The following PRRT4 variants were observed in gnomAD, a reference collection of about 807,000 sequenced individuals.
PRRT4 encodes the protein proline rich transmembrane protein 4.
Under a neutral mutation model 55.6 loss-of-function variants are expected in PRRT4, and 59 were observed. The ratio of observed to expected loss-of-function variants is 1.06; its 90% CI spans 0.86 to 1.32. The LOEUF (loss-of-function observed/expected upper bound fraction) is 1.32, where lower values mean the gene tolerates loss of function less well. PRRT4 is among the 40% of genes most tolerant of loss of function. PRRT4 has a pLI of 0.00. For missense variants in PRRT4, 1,217 were observed against 1,222.0 expected, an observed-to-expected ratio of 1.00 and a Z score of 0.06; for synonymous variants, 606 against 601.8, an observed-to-expected ratio of 1.01 and a Z score of -0.10.
chr7:128,351,118 C>A, exon 5 of PRRT4: 1 of 1,548,198 alleles, frequency 6.5e-7, no homozygotes, highest in Non-Finnish European at 8.7e-7. Flanking sequence ...CATGGACGAG[C>A]TGTCCCGCGA....
intron 1 of PRRT4, 124 bp downstream of exon 2, chr7:128,361,182 A>G (rs1797247561): frequency 6.6e-6 from 1 of 150,692 alleles, no homozygotes; most frequent in Admixed American, 6.7e-5. Flanking sequence ...ACACACATTC[A>G]CACACACAGA....
chr7:128,357,250 T>A (rs151316371), intron 4 of PRRT4, among the ~76,000 whole-genome samples: 82,276 of 137,100 alleles, frequency 0.6, 25,400 homozygotes, highest in Non-Finnish European at 0.69. Flanking sequence ...TCTCTCTCTC[T>A]CTCTCTCTCT....
At chr7:128,351,090 G>A (rs952420470) in exon 5 of PRRT4, 38 of 1,548,670 alleles carry the variant, frequency 2.5e-5, no homozygotes, top group Non-Finnish European at 3.2e-5. Context: ...GGGGCCTGTC[G>A]GGGCTGGAAC....
intron 4 of PRRT4, 28 bp from the exon 6 acceptor site, chr7:128,352,706 G>A (rs1374444490): frequency 1.3e-6 from 2 of 1,497,756 alleles, no homozygotes; most frequent in East Asian, 4.9e-5. Flanking sequence ...TTGGCTTGAG[G>A]CAATGATGCA....
At chr7:128,359,298 G>T (rs1056157898) in intron 2 of PRRT4, 42 bp downstream of exon 3, 12 of 1,530,708 alleles carry the variant, frequency 7.8e-6, no homozygotes, top group Admixed American at 2.1e-5. Context: ...CCTGCCAGGG[G>T]TGCCCAGCAG....
chr7:128,351,560 C>T lies in PRRT4; in HGVS notation c.1996G>A (p.Ala666Thr), dbSNP rs762909549. ...AGCTCCGCGTCCCCGCGAGCGATGGCGCTCCCCAGGGGCTCCTTGTCTGGG... is the reference window on the plus strand; with the variant it reads ...AGCTCCGCGTCCCCGCGAGCGATGGTGCTCCCCAGGGGCTCCTTGTCTGGG... The change falls in exon 5 of 5, where the codon GCC becomes ACC. Residue 666 changes from alanine to threonine, a missense_variant. Transcript: ENST00000535159. The T allele has an allele frequency of 2.7e-6, 4 of 1,489,132 alleles. No individual in the cohort carries two copies. The African/African-American group carries it at 4.3e-5, about 16-fold the overall frequency. 92.2% of individuals were successfully genotyped at this position (1,489,132 alleles called of 1,614,324 possible).
exon 5 of PRRT4, chr7:128,351,944 C>T: frequency 7.7e-7 from 1 of 1,293,470 alleles, no homozygotes; most frequent in South Asian, 2.4e-5. Context: ...AGGGGTGTGG[C>T]GCCCTTGAAG....
rs1252431759 is a variant in PRRT4 at position 128,359,935 on chromosome 7, A to G, written c.57T>C (p.Ala19=). The G allele has an allele frequency of 2.8e-6, 4 of 1,454,298 alleles. No individual in the cohort carries two copies. The South Asian group carries it at 5.8e-5, about 21-fold the overall frequency. The allele number at this position is 1,454,298 out of a possible 1,614,324, so 90.1% of individuals were successfully genotyped here. The change falls in exon 2 of 5, where the codon GCT becomes GCC. Residue 19 remains alanine, a synonymous_variant. Coordinates refer to ENST00000535159, the Ensembl canonical transcript of PRRT4. ...AGGGGGTGGGCTGGGGGCCCACAGTAGCAGCAAACAGGACGCAGCAGAACA... is the reference window on the plus strand; with the variant it reads ...AGGGGGTGGGCTGGGGGCCCACAGTGGCAGCAAACAGGACGCAGCAGAACA...
exon 5 of PRRT4, chr7:128,351,470 C>G (rs983960997): frequency 6.6e-7 from 1 of 1,520,894 alleles, no homozygotes; most frequent in Non-Finnish European, 8.8e-7. Flanking sequence ...CCTTCGAAGC[C>G]CCGGCAACCT....
At chr7:128,350,575 T>G (rs1048128971), downstream of PRRT4, 8 of 484,952 alleles carry the variant, frequency 1.6e-5, 1 homozygote, top group East Asian at 3.1e-4. Flanking sequence ...GTGGAGCACC[T>G]TGGAGCTTTA....
At chr7:128,350,478 G>T, downstream of PRRT4, 1 of 140,178 alleles carries the variant, frequency 7.1e-6, no homozygotes, top group Non-Finnish European at 1.3e-5. Flanking sequence ...CATGGCAGAG[G>T]TGGGTAGGGG....
chr7:128,356,769 G>A (rs1797119884), intron 4 of PRRT4, among the ~76,000 whole-genome samples: 1 of 152,246 alleles, frequency 6.6e-6, no homozygotes, highest in East Asian at 1.9e-4. Context: ...CCAGATCAAA[G>A]GGCTAGGAAT....
Position 128,359,696 on chromosome 7 carries a change from C to T in PRRT4, c.296G>A (p.Trp99Ter). 6.4e-7 allele frequency: 1 copy of T among 1,551,516 alleles called. No homozygotes were observed. The highest frequency in any genetic ancestry group is 1.2e-5 in the South Asian group (1 of 84,028). The change falls in exon 2 of 5, where the codon TGG (tryptophan) becomes TAG (stop). Residue 99 changes from tryptophan to a stop codon, truncating the protein, a stop_gained. Coordinates refer to ENST00000535159, the Ensembl canonical transcript of PRRT4. LOFTEE classifies it high-confidence loss of function. ...CCCTGAGGAGCCCACCAGCAATTCC[C>T]AAAGGGGGTCAGTCCTCAGCCCACT...
Position 128,359,633 on chromosome 7 carries a change from G to C in PRRT4, c.359C>G (p.Ser120Ter). 6.5e-7 allele frequency: 1 copy of C among 1,540,528 alleles called. No homozygotes were observed. Among genetic ancestry groups the C allele is most frequent in the Non-Finnish European group, 8.8e-7 (1 of 1,141,188 alleles). Reference sequence around the variant, plus strand: ...AAGCAGGGAGGAGGCCCGGGGCTTTGAGCCACCTTCGGTGGAGCCCCACTC... The same window carrying C: ...AAGCAGGGAGGAGGCCCGGGGCTTTCAGCCACCTTCGGTGGAGCCCCACTC... Residue 120 changes from serine to a stop codon, truncating the protein, a stop_gained, in exon 2 of 5, where the codon TCA (serine) becomes TGA (stop). Coordinates refer to ENST00000535159, the Ensembl canonical transcript of PRRT4. LOFTEE classifies it high-confidence loss of function.
exon 5 of PRRT4, chr7:128,352,286 G>T: frequency 1.3e-6 from 2 of 1,543,618 alleles, no homozygotes. Context: ...CGATCCCTGT[G>T]CCCATAGGCG....
chr7:128,354,858 G>A (rs557799542), intron 4 of PRRT4, among the ~76,000 whole-genome samples: 1 of 152,154 alleles, frequency 6.6e-6, no homozygotes, highest in Non-Finnish European at 1.5e-5. Context: ...ATGAGTAAGA[G>A]TACCTACTGC....
intron 4 of PRRT4, among the ~76,000 whole-genome samples, chr7:128,353,178 G>C (rs4731443): frequency 0.6 from 90,967 of 151,876 alleles, 30,129 homozygotes; most frequent in Non-Finnish European, 0.75. Context: ...TGTACTGCCG[G>C]ATGCAGATAC....
At chr7:128,361,649 C>G (rs1157449739) in exon 1 of PRRT4, 1 of 152,326 alleles carries the variant, frequency 6.6e-6, no homozygotes, top group Non-Finnish European at 1.5e-5. Context: ...CCTCGCTCCC[C>G]GGCGAAGCCG....
exon 5 of PRRT4, chr7:128,351,633 G>A: frequency 9.2e-6 from 14 of 1,515,526 alleles, no homozygotes; most frequent in Non-Finnish European, 1.2e-5. Flanking sequence ...CGTGGCCCGG[G>A]GACAAGCGGA....
Sources: gnomAD v4.1 joint callset for allele counts (sites outside exome capture counted in the v4.1 genomes callset) on GRCh38, gnomAD v4.1.1 for gene constraint, MANE v1.5 for transcripts, NCBI Gene and HGNC (gene_info 2026-07-23, HGNC 2026-07-21) for gene names.